PAN2: variants seen among roughly 807,000 people sequenced by gnomAD.
PAN2 encodes poly(A) specific ribonuclease subunit PAN2.
PAN2 carries 68 observed loss-of-function variants against 133.3 expected under a neutral mutation model. That is an observed-to-expected ratio of 0.51 (90% CI 0.42 to 0.62). PAN2 has a LOEUF of 0.62. Ranked by LOEUF, PAN2 falls within the 20% of genes least tolerant of loss-of-function variation. The probability of loss-of-function intolerance (pLI) is 0.00; values close to 1 mark genes in which losing one functional copy is unlikely to be tolerated. For missense variants in PAN2, 1,042 were observed against 1,500.5 expected (o/e 0.69, Z 5.05); for synonymous variants, 462 against 544.6 (o/e 0.85, Z 2.11).
At chr12:56,324,769 G>A in intron 10 of PAN2, 60 bp from the exon 11 acceptor site, 2 of 1,570,576 alleles carry the variant, frequency 1.3e-6, no homozygotes, top group Non-Finnish European at 1.7e-6. Flanking sequence ...GGAGAAATAT[G>A]GAGGTTAAGT....
At chr12:56,328,443 TC>T in intron 3 of PAN2, 28 bp downstream of exon 3, 1 of 1,612,326 alleles carries the variant, frequency 6.2e-7, no homozygotes, top group Non-Finnish European at 8.5e-7. Context: ...GCATCCTCGT[TC>T]CTAGTCCAGA....
intron 2 of PAN2, among the ~76,000 whole-genome samples, chr12:56,332,552 A>T (rs560344536): frequency 1.3e-5 from 2 of 150,280 alleles, no homozygotes; most frequent in Non-Finnish European, 3.0e-5. Context: ...CCATGATCAC[A>T]TTACGCCATT....
chr12:56,329,103 C>A (rs1231186378), intron 2 of PAN2, among the ~76,000 whole-genome samples: 2 of 152,040 alleles, frequency 1.3e-5, no homozygotes, highest in East Asian at 3.9e-4. Context: ...GGAACCAATC[C>A]CACATGGATA....
chr12:56,317,527 T>C lies in PAN2; in HGVS notation c.*82A>G. 3 of 1,210,368 alleles carry C rather than the reference T, an allele frequency of 2.5e-6. No individual in the cohort carries two copies. Among genetic ancestry groups the C allele is most frequent in the Non-Finnish European group, 3.7e-6 (3 of 816,964 alleles). The allele number at this position is 1,210,368 out of a possible 1,614,324, so 75.0% of individuals were successfully genotyped here. A position where few individuals can be genotyped will look rare whatever the true frequency, so the allele number is the denominator to read the frequency against. ...TCCAGTACTGGAAGTGGACAAGGTA[T>C]AGCCAACTTAGGAAGCCATCTCCCA... On this transcript the variant is annotated 3_prime_UTR_variant, in exon 26 of 26. Transcript: ENST00000440411.
chr12:56,318,907 T>A (rs1407307843), intron 24 of PAN2, among the ~76,000 whole-genome samples, 181 bp downstream of exon 24: 1 of 152,194 alleles, frequency 6.6e-6, no homozygotes, highest in Non-Finnish European at 1.5e-5. Flanking sequence ...ATGTACTCAT[T>A]GTTTAGTTCC....
chr12:56,323,973 A>G, intron 13 of PAN2, 60 bp from the exon 14 acceptor site: 2 of 1,608,934 alleles, frequency 1.2e-6, no homozygotes, highest in Non-Finnish European at 1.7e-6. Flanking sequence ...TTAGTCCCCA[A>G]CACCCTCTCC....
rs1357125109 is a variant in PAN2 at position 56,326,638 on chromosome 12, G to A, written c.1241C>T (p.Ala414Val). Residue 414 changes from alanine to valine, a missense_variant, in exon 7 of 26, where the codon GCC becomes GTC. This residue lies in a region of PAN2 where 908 missense variants were observed against 1,223.5 expected (regional missense o/e 0.74). Transcript: ENST00000440411. ...CAACCTGGGAGCTGGAGCAGAGTTGGCAGCAGGCCAATCAGAGAGAAGTGT... is the reference window on the plus strand; with the variant it reads ...CAACCTGGGAGCTGGAGCAGAGTTGACAGCAGGCCAATCAGAGAGAAGTGT... The part of the protein sequence containing the change: ...TDTLLSDWPA[A>V]NSAPAPRRAP... 2 of 1,613,314 alleles carry A rather than the reference G, an allele frequency of 1.2e-6. No homozygotes were observed. Among genetic ancestry groups the A allele is most frequent in the Middle Eastern group, 1.7e-4 (1 of 6,008 alleles).
At position 56,327,437 on chromosome 12, in the gene PAN2, T is replaced by C; in HGVS notation, c.846A>G (p.Gln282=). 1 of 1,614,198 alleles carries C rather than the reference T, an allele frequency of 6.2e-7. No homozygotes were observed. Among genetic ancestry groups the C allele is most frequent in the South Asian group, 1.1e-5 (1 of 91,086 alleles). ...GCAAGAAGGCAGGATCCACATGTAC[T>C]TGAAGTGGTGTGATGGCACGCATCA... ...LRMMRAITPL[Q]VHVDPAFLRF... is the part of the protein sequence containing the mutation. The change falls in exon 6 of 26, where the codon CAA becomes CAG. Residue 282 remains glutamine, a synonymous_variant. Transcript: ENST00000440411.
intron 1 of PAN2, 135 bp from the exon 2 acceptor site, chr12:56,333,343 G>T: frequency 1.9e-6 from 1 of 539,560 alleles, no homozygotes. Context: ...TGAAGCAGGC[G>T]GGGGAGGGAT....
Position 56,326,675 on chromosome 12 carries a change from G to A in PAN2, c.1204C>T (p.Leu402Phe), listed in dbSNP as rs1468906566. The A allele has an allele frequency of 1.2e-6, 2 of 1,614,108 alleles. No individual in the cohort carries two copies. The highest frequency in any genetic ancestry group is 1.7e-6 in the Non-Finnish European group (2 of 1,179,986). Reference protein sequence around the residue: ...LLPLSLIPVPLTTDTLLSDWP... With the variant: ...LLPLSLIPVPFTTDTLLSDWP... Reference sequence around the variant, plus strand: ...TCAGAGAGAAGTGTGTCAGTGGTGAGTGGGACAGGGATGAGGGAAAGAGGC... The same window carrying A: ...TCAGAGAGAAGTGTGTCAGTGGTGAATGGGACAGGGATGAGGGAAAGAGGC... The change falls in exon 7 of 26, where the codon CTC (leucine) becomes TTC (phenylalanine). Residue 402 changes from leucine to phenylalanine, a missense_variant. By Grantham distance (22) the Leu-to-Phe change is conservative (BLOSUM62 0). Around this residue, in one of 3 missense-constraint regions of PAN2, gnomAD observed 908 missense variants for 1,223.5 expected, o/e 0.74. Transcript: ENST00000440411.
intron 2 of PAN2, among the ~76,000 whole-genome samples, chr12:56,330,545 G>C (rs1463612693): frequency 6.6e-6 from 1 of 150,902 alleles, no homozygotes; most frequent in African/African-American, 2.4e-5. Context: ...ATTTTTAGTA[G>C]AGACGGGGTT....
Position 56,325,033 on chromosome 12 carries a change from G to A in PAN2, c.1575C>T (p.Asn525=), listed in dbSNP as rs139898975. ...CCTGGATCATGCAGTTACAGTAGGCGTTGGGAATGTGGGGCTCTAATCCAG... is the reference window on the plus strand; with the variant it reads ...CCTGGATCATGCAGTTACAGTAGGCATTGGGAATGTGGGGCTCTAATCCAG... The part of the protein sequence containing the change: ...LFAGLEPHIP[N]AYCNCMIQVL... The change falls in exon 10 of 26, where the codon AAC becomes AAT. Residue 525 remains asparagine, a synonymous_variant. Coordinates refer to ENST00000440411, the MANE Select transcript of PAN2 (RefSeq NM_014871.6). 1.6e-4 allele frequency: 252 copies of A among 1,614,034 alleles called. No homozygotes were observed. Among genetic ancestry groups the A allele is most frequent in the Non-Finnish European group, 2.0e-4 (235 of 1,180,002 alleles).
chr12:56,317,539 G>A lies in PAN2; in HGVS notation c.*70C>T. ...AGTGGACAAGGTATAGCCAACTTAG[G>A]AAGCCATCTCCCAGTTCTGGGGCTA... is the stretch of plus-strand genomic sequence containing the variant. On this transcript the variant is annotated 3_prime_UTR_variant, in exon 26 of 26. Transcript: ENST00000440411. The A allele has an allele frequency of 1.4e-6, 2 of 1,380,300 alleles. No homozygotes were observed. Among genetic ancestry groups the A allele is most frequent in the South Asian group, 1.2e-5 (1 of 84,978 alleles). 85.5% of individuals were successfully genotyped at this position (1,380,300 alleles called of 1,614,324 possible).
chr12:56,324,594 C>T lies in PAN2; in HGVS notation c.1715G>A (p.Gly572Asp), dbSNP rs1424945546. Residue 572 changes from glycine (G) to aspartate (D), a missense_variant, in exon 11 of 26, where the codon GGT becomes GAT. Around this residue, in one of 3 missense-constraint regions of PAN2, gnomAD observed 908 missense variants for 1,223.5 expected, o/e 0.74. Transcript: ENST00000440411. ...FLFHMLDLSRGDPCQGNNFLR... is the reference protein window; with the variant it reads ...FLFHMLDLSRDDPCQGNNFLR... The stretch of plus-strand genomic sequence containing the variant: ...CCAAGTACTGACCTGGCAAGGGTCA[C>T]CACGAGAGAGGTCCAACATGTGAAA... The T allele has an allele frequency of 6.2e-7, 1 of 1,613,870 alleles. No individual in the cohort carries two copies. Among genetic ancestry groups the T allele is most frequent in the African/African-American group, 1.3e-5 (1 of 74,928 alleles).
chr12:56,330,353 CTTT>C (rs10525866), intron 2 of PAN2, among the ~76,000 whole-genome samples: 2 of 92,620 alleles, frequency 2.2e-5, no homozygotes, highest in South Asian at 4.2e-4. Context: ...CTGTATTTTT[CTTT>C]TTTTTTTTTT....
chr12:56,326,406 T>C lies in PAN2; in HGVS notation c.1266A>G (p.Arg422=). The change falls in exon 8 of 26, where the codon CGA becomes CGG. Residue 422 remains arginine (R), a synonymous_variant. Coordinates refer to ENST00000440411, the MANE Select transcript of PAN2 (RefSeq NM_014871.6). ...PAANSAPAPR[R]APPVDAEILR... The stretch of plus-strand genomic sequence containing the variant: ...GAATCTCTGCATCCACGGGTGGTGC[T>C]CGCCTACAATCCAGCATAGTTCTAG... The C allele has an allele frequency of 6.3e-7, 1 of 1,587,642 alleles. No homozygotes were observed. The highest frequency in any genetic ancestry group is 8.6e-7 in the Non-Finnish European group (1 of 1,163,062).
Position 56,319,918 on chromosome 12 carries a change from C to T in PAN2, c.2892G>A (p.Met964Ile). The T allele has an allele frequency of 6.2e-7, 1 of 1,614,234 alleles. No homozygotes were observed. Among genetic ancestry groups the T allele is most frequent in the Non-Finnish European group, 8.5e-7 (1 of 1,180,042 alleles). ...GACCCACCAGGTCCCCAATCTGTGG[C>T]ATCTCATTCAGCATCAGTGGAATAA... The part of the protein sequence containing the change: ...TTFIPLMLNE[M>I]PQIGDLVGLD... Residue 964 changes from methionine to isoleucine, a missense_variant, in exon 21 of 26, where the codon ATG becomes ATA. This residue lies in a region of PAN2 where 908 missense variants were observed against 1,223.5 expected (regional missense o/e 0.74). Transcript: ENST00000440411. This position sits in a 1 kb window ranked among gnomAD's most constrained non-coding sequence, Gnocchi z 5.4.
intron 2 of PAN2, among the ~76,000 whole-genome samples, chr12:56,330,353 CTTTTTTTTTTTTTT>C (rs10525866): frequency 2.2e-5 from 2 of 92,622 alleles, no homozygotes; most frequent in Non-Finnish European, 3.9e-5. Flanking sequence ...CTGTATTTTT[CTTTTTTTTTTTTTT>C]TTTTTTTTTT....
At position 56,326,867 on chromosome 12, in the gene PAN2, C is replaced by T; in HGVS notation, c.1012G>A (p.Val338Met). Residue 338 changes from valine to methionine, a missense_variant, in exon 7 of 26, where the codon GTG becomes ATG. Physicochemically the swap from Val to Met is conservative, Grantham distance 21. Coordinates refer to ENST00000440411, the MANE Select transcript of PAN2 (RefSeq NM_014871.6). ...PVGPLLMTFD[V>M]SASKQALAFG... ...GCCAGAGCCTGCTTGCTGGCTGACACATCAAATGTCATTAGCAGAGGCCCC... is the reference window on the plus strand; with the variant it reads ...GCCAGAGCCTGCTTGCTGGCTGACATATCAAATGTCATTAGCAGAGGCCCC... The T allele has an allele frequency of 1.9e-6, 3 of 1,614,208 alleles. No individual in the cohort carries two copies. The highest frequency in any genetic ancestry group is 2.5e-6 in the Non-Finnish European group (3 of 1,180,026).
Sources: gnomAD v4.1 joint callset for allele counts (sites outside exome capture counted in the v4.1 genomes callset) on GRCh38, gnomAD v4.1.1 for gene constraint, gnomAD v4.1.1 regional missense constraint, Gnocchi (gnomAD v3.1) non-coding constraint, MANE v1.5 for transcripts, NCBI Gene and HGNC (gene_info 2026-07-23, HGNC 2026-07-21) for gene names.